EPHA5: variants seen among roughly 807,000 people sequenced by gnomAD.
EPHA5 encodes the protein EPH receptor A5, also known as ephrin type-A receptor 5.
Under a neutral mutation model 105.0 loss-of-function variants are expected in EPHA5, and 60 were observed. That is an observed-to-expected ratio of 0.57 (90% CI 0.46 to 0.71). The LOEUF is 0.71. Among genes scored for constraint, EPHA5 ranks in the 30% least tolerant of loss-of-function variants. The pLI, the probability that EPHA5 is intolerant of heterozygous loss-of-function variation, is 0.00. For synonymous variants in EPHA5, 513 were observed against 449.1 expected, an observed-to-expected ratio of 1.14 and a Z score of -1.80; for missense variants, 1,218 against 1,274.7, an observed-to-expected ratio of 0.96 and a Z score of 0.68.
chr4:65,449,382 A>C (rs888680172), intron 5 of EPHA5, among the ~76,000 whole-genome samples: 2 of 152,176 alleles, frequency 1.3e-5, no homozygotes, highest in African/African-American at 4.8e-5. Flanking sequence ...TATAGTACAC[A>C]TTTGTACACT....
chr4:65,638,644 C>T (rs890341182), intron 2 of EPHA5, among the ~76,000 whole-genome samples: 10 of 152,116 alleles, frequency 6.6e-5, no homozygotes, highest in African/African-American at 1.7e-4. Flanking sequence ...AAGGCTGAGG[C>T]AGGAGAATTG....
intron 5 of EPHA5, among the ~76,000 whole-genome samples, chr4:65,440,892 C>T (rs372037428): frequency 2.0e-5 from 3 of 151,972 alleles, no homozygotes; most frequent in African/African-American, 4.8e-5. Context: ...GAGGAGGCTG[C>T]TTTGTGTGCA....
At chr4:65,424,640 A>T (rs530841810) in intron 5 of EPHA5, among the ~76,000 whole-genome samples, 1 of 152,016 alleles carries the variant, frequency 6.6e-6, no homozygotes, top group East Asian at 1.9e-4. Flanking sequence ...TTTATCCTTT[A>T]TCAGTCAAAA....
At chr4:65,526,055 C>G (rs531869622) in intron 3 of EPHA5, among the ~76,000 whole-genome samples, 2 of 151,700 alleles carry the variant, frequency 1.3e-5, no homozygotes, top group Non-Finnish European at 2.9e-5. Flanking sequence ...AGCCCAATAC[C>G]GGGCACATGT....
chr4:65,499,766 G>A (rs576348093), intron 3 of EPHA5, among the ~76,000 whole-genome samples: 10 of 151,046 alleles, frequency 6.6e-5, no homozygotes, highest in African/African-American at 2.4e-4. Context: ...TTCTGCCTCT[G>A]AACACTGTAG....
At chr4:65,527,917 C>T (rs1394477420) in intron 3 of EPHA5, among the ~76,000 whole-genome samples, 2 of 152,028 alleles carry the variant, frequency 1.3e-5, no homozygotes, top group Non-Finnish European at 2.9e-5. Flanking sequence ...TCATTTAGCT[C>T]CCACTTATAA....
At chr4:65,520,838 C>T (rs1734626042) in intron 3 of EPHA5, among the ~76,000 whole-genome samples, 1 of 152,168 alleles carries the variant, frequency 6.6e-6, no homozygotes, top group South Asian at 2.1e-4. Context: ...CCATCTCACA[C>T]TAGTTAGAAT....
intron 16 of EPHA5, among the ~76,000 whole-genome samples, chr4:65,327,009 A>C (rs1269392562): frequency 6.6e-6 from 1 of 151,212 alleles, no homozygotes; most frequent in Non-Finnish European, 1.5e-5. Context: ...TCAAATCACT[A>C]ATAACTTATT....
intron 2 of EPHA5, among the ~76,000 whole-genome samples, chr4:65,612,780 T>C (rs1207559146): frequency 6.6e-6 from 1 of 152,246 alleles, no homozygotes; most frequent in East Asian, 1.9e-4. Context: ...ATATTAGTCC[T>C]TTGTCAGATA....
In EPHA5 at chr4:65,348,071, C is replaced by A; in HGVS notation, c.2578G>T (p.Glu860Ter). The change falls in exon 14 of 17, where the codon GAG becomes TAG. Residue 860 changes from glutamate (E) to a stop codon, truncating the protein, a stop_gained. Coordinates refer to ENST00000613740, the MANE Select transcript of EPHA5 (RefSeq NM_001281766.3). LOFTEE classifies it high-confidence loss of function. The stretch of plus-strand genomic sequence containing the variant: ...ATACTCACATCTTGATTGGTCATCT[C>A]CCAGTAGGGTCTCTCTCCATAAGAC... ...VVSYGERPYW[E>*]MTNQDVIKAV... is the part of the protein sequence containing the mutation. 6.2e-7 allele frequency: 1 copy of A among 1,607,436 alleles called. No homozygotes were observed. The highest frequency in any genetic ancestry group is 8.5e-7 in the Non-Finnish European group (1 of 1,177,088).
intron 2 of EPHA5, among the ~76,000 whole-genome samples, chr4:65,633,069 G>A (rs1413336909): frequency 6.6e-6 from 1 of 152,014 alleles, no homozygotes; most frequent in Non-Finnish European, 1.5e-5. Context: ...AGGTTGAGCA[G>A]TTTGGGACGT....
At chr4:65,511,248 T>TG (rs1733599738) in intron 3 of EPHA5, among the ~76,000 whole-genome samples, 1 of 152,106 alleles carries the variant, frequency 6.6e-6, no homozygotes, top group Admixed American at 6.6e-5. Context: ...GTAAGTAGGG[T>TG]GTCTGTTTGG....
At chr4:65,375,291 T>C (rs959161152) in intron 8 of EPHA5, among the ~76,000 whole-genome samples, 1 of 151,686 alleles carries the variant, frequency 6.6e-6, no homozygotes, top group Non-Finnish European at 1.5e-5. Flanking sequence ...TCTTTTTTAT[T>C]TTTTTTTCAC....
chr4:65,506,537 C>T (rs1733046030), intron 3 of EPHA5, among the ~76,000 whole-genome samples: 1 of 145,158 alleles, frequency 6.9e-6, no homozygotes, highest in Non-Finnish European at 1.5e-5. Context: ...TTAATGATCG[C>T]CATTCTAACT....
chr4:65,495,296 G>A (rs1731811119), intron 4 of EPHA5, 92 bp downstream of exon 4: 1 of 1,306,206 alleles, frequency 7.7e-7, no homozygotes, highest in African/African-American at 1.5e-5. Context: ...TGTTTTAGGG[G>A]GAAATGTTAC....
chr4:65,456,545 G>T (rs1188812186), intron 5 of EPHA5, among the ~76,000 whole-genome samples: 1 of 152,088 alleles, frequency 6.6e-6, no homozygotes, highest in African/African-American at 2.4e-5. Context: ...AATCTCACAT[G>T]CTGCTTAATT....
chr4:65,541,405 A>T (rs916826332), intron 3 of EPHA5, among the ~76,000 whole-genome samples: 3 of 151,922 alleles, frequency 2.0e-5, no homozygotes, highest in Admixed American at 1.3e-4. Flanking sequence ...GTGGAGGAAA[A>T]TTTACCAAAC....
chr4:65,551,384 TAGTGTAAAAC>T (rs1205465569), intron 3 of EPHA5, among the ~76,000 whole-genome samples: 4 of 151,804 alleles, frequency 2.6e-5, no homozygotes, highest in South Asian at 4.1e-4. Flanking sequence ...CCTAAGGGAA[TAGTGTAAAAC>T]AGAATGGTTC....
chr4:65,388,453 A>G (rs558539538), intron 8 of EPHA5, among the ~76,000 whole-genome samples: 1 of 149,810 alleles, frequency 6.7e-6, no homozygotes, highest in South Asian at 2.1e-4. Flanking sequence ...AAGTGTTCCT[A>G]TTTCTCCACA....
Sources: gnomAD v4.1 joint callset for allele counts (sites outside exome capture counted in the v4.1 genomes callset) on GRCh38, gnomAD v4.1.1 for gene constraint, MANE v1.5 for transcripts, NCBI Gene and HGNC (gene_info 2026-07-23, HGNC 2026-07-21) for gene names.